Variants in CLEC19A observed in about 807,000 individuals in gnomAD.
CLEC19A encodes the protein C-type lectin domain containing 19A.
In CLEC19A, 21 loss-of-function variants were observed where a neutral mutation model predicts 26.1. The observed-to-expected ratio is 0.80, with a 90% CI of 0.57 to 1.16. The LOEUF (loss-of-function observed/expected upper bound fraction) is 1.16. CLEC19A is among the 50% of genes most tolerant of loss of function. The pLI, the probability that CLEC19A is intolerant of heterozygous loss-of-function variation, is 0.00. For missense variants in CLEC19A, 224 were observed against 227.6 expected (o/e 0.98, Z 0.10); for synonymous variants, 89 against 88.6 (o/e 1.00, Z -0.03).
chr16:19,287,326 G>A (rs766060896), intron 1 of CLEC19A, among the ~76,000 whole-genome samples: 5 of 152,050 alleles, frequency 3.3e-5, no homozygotes, highest in Non-Finnish European at 7.4e-5. Flanking sequence ...AGAAAGCTCT[G>A]GTCTCTTCCT....
At chr16:19,294,248 G>C (rs902587119) in intron 1 of CLEC19A, among the ~76,000 whole-genome samples, 2 of 152,162 alleles carry the variant, frequency 1.3e-5, no homozygotes, top group African/African-American at 4.8e-5. Context: ...CACTACCGCC[G>C]TGCAGAAAGG....
At chr16:19,298,558 C>A in intron 1 of CLEC19A, 115 bp from the exon 2 acceptor site, 2 of 1,113,082 alleles carry the variant, frequency 1.8e-6, no homozygotes, top group Non-Finnish European at 2.5e-6. Flanking sequence ...AGAACGAGAC[C>A]CTGTCTCTTA....
intron 2 of CLEC19A, among the ~76,000 whole-genome samples, chr16:19,301,107 G>C (rs978736252): frequency 1.3e-5 from 2 of 152,334 alleles, no homozygotes; most frequent in East Asian, 3.9e-4. Flanking sequence ...CTAGCCTGTA[G>C]AGGAAAATGA....
chr16:19,307,735 G>A, intron 4 of CLEC19A, 58 bp downstream of exon 4: 1 of 1,539,590 alleles, frequency 6.5e-7, no homozygotes, highest in East Asian at 2.5e-5. Context: ...TCACAGGTGG[G>A]GAGAGCGGAG....
chr16:19,301,736 GT>G lies in CLEC19A; in HGVS notation c.255-2298del, dbSNP rs1171248968. Among the ~76,000 whole-genome samples the G allele has an allele frequency of 2.6e-4, 21 of 81,484 alleles. No homozygotes were observed. The South Asian group carries it at 5.9e-3, about 23-fold the overall frequency. The allele number at this position is 81,484 out of a possible 152,430, so 53.5% of individuals were successfully genotyped here. ...ATGACACCATGCCCAGGTTTTTTTG[GT>G]TTTTTTTTTTTTTTTTTTTTTTTTT... On this transcript the variant is annotated intron_variant, in intron 2 of 4. Coordinates refer to ENST00000636231, the MANE Select transcript of CLEC19A (RefSeq NM_001256720.2).
chr16:19,306,079 G>A (rs1167025837), intron 3 of CLEC19A, among the ~76,000 whole-genome samples: 4 of 151,700 alleles, frequency 2.6e-5, no homozygotes, highest in African/African-American at 4.8e-5. Context: ...TCCTGACCTC[G>A]TGATCCGCCC....
intron 2 of CLEC19A, among the ~76,000 whole-genome samples, chr16:19,299,613 C>T (rs1429937957): frequency 6.6e-6 from 1 of 152,204 alleles, no homozygotes; most frequent in African/African-American, 2.4e-5. Context: ...AATTCCATCC[C>T]TATCTTCTCC....
chr16:19,299,889 G>A (rs964618779), intron 2 of CLEC19A, among the ~76,000 whole-genome samples: 5 of 152,286 alleles, frequency 3.3e-5, no homozygotes, highest in African/African-American at 1.2e-4. Context: ...TTAGAAAGGG[G>A]GTTGGTTTTT....
chr16:19,303,969 C>T (rs944392899), intron 2 of CLEC19A, 93 bp from the exon 3 acceptor site: 1 of 1,052,066 alleles, frequency 9.5e-7, no homozygotes, highest in African/African-American at 1.6e-5. Flanking sequence ...TACTTTGGTC[C>T]AGGAAGGTAA....
chr16:19,307,684 A>G lies in CLEC19A; in HGVS notation c.481+7A>G, dbSNP rs1304109315. 23 of 1,547,750 alleles carry G rather than the reference A, an allele frequency of 1.5e-5. No homozygotes were observed. The highest frequency in any genetic ancestry group is 2.0e-5 in the Non-Finnish European group (23 of 1,146,624). On this transcript the variant is annotated splice_region_variant and intron_variant, in intron 4 of 4. Transcript: ENST00000636231. ...TGGTACAGGCCTACCAGTGGTGGGT[A>G]CCCCTGAGACCAAGGCTCTTGCAGG...
chr16:19,292,085 C>A (rs1897602711), intron 1 of CLEC19A, among the ~76,000 whole-genome samples: 1 of 152,174 alleles, frequency 6.6e-6, no homozygotes. Flanking sequence ...CCTTCTCACT[C>A]CACTCAGCCC....
At chr16:19,303,347 A>G (rs1478702707) in intron 2 of CLEC19A, among the ~76,000 whole-genome samples, 1 of 152,126 alleles carries the variant, frequency 6.6e-6, no homozygotes, top group Non-Finnish European at 1.5e-5. Context: ...CTATCCATTC[A>G]TCCATCCATT....
intron 1 of CLEC19A, among the ~76,000 whole-genome samples, chr16:19,287,155 T>C (rs551611607): frequency 2.0e-5 from 3 of 151,926 alleles, no homozygotes; most frequent in Non-Finnish European, 4.4e-5. Flanking sequence ...GCTGCGAATA[T>C]CACAGACTGG....
chr16:19,298,903 T>C (rs1897760979), intron 2 of CLEC19A, 65 bp downstream of exon 2: 20 of 1,435,858 alleles, frequency 1.4e-5, no homozygotes, highest in Non-Finnish European at 1.8e-5. Context: ...GGGTGGAGAA[T>C]GGTATTTCCA....
At chr16:19,298,536 A>T (rs1238375656) in intron 1 of CLEC19A, 137 bp from the exon 2 acceptor site, 2 of 881,838 alleles carry the variant, frequency 2.3e-6, no homozygotes, top group African/African-American at 3.4e-5. Context: ...ACTGCACTTC[A>T]GCCTGGGCAA....
chr16:19,298,837 A>G lies in CLEC19A; in HGVS notation c.253A>G (p.Ser85Gly), dbSNP rs751291733. 1.5e-5 allele frequency: 24 copies of G among 1,549,856 alleles called. No individual in the cohort carries two copies. Among genetic ancestry groups the G allele is most frequent in the Non-Finnish European group, 2.1e-5 (24 of 1,146,638 alleles). ...RKSAKLASIH[S>G]WEENVFVYDL... ...GTCCGCCAAGCTGGCCTCCATCCAC[A>G]GGTAAGTGGGATCCCCAGTGCCCCA... is the stretch of plus-strand genomic sequence containing the variant. Residue 85 changes from serine to glycine, a missense_variant and splice_region_variant, in exon 2 of 5, where the codon AGC becomes GGC. Ser to Gly is a moderately conservative substitution (Grantham distance 56). Transcript: ENST00000636231.
At chr16:19,295,249 A>C (rs1237990961) in intron 1 of CLEC19A, among the ~76,000 whole-genome samples, 1 of 152,034 alleles carries the variant, frequency 6.6e-6, no homozygotes, top group Non-Finnish European at 1.5e-5. Flanking sequence ...TCTATCGTCC[A>C]GGCTGGATGG....
intron 1 of CLEC19A, among the ~76,000 whole-genome samples, chr16:19,293,716 A>G (rs191243541): frequency 6.2e-4 from 95 of 152,202 alleles, no homozygotes; most frequent in African/African-American, 2.0e-3. Flanking sequence ...TTGGCCTCCC[A>G]AAGTGTTGAG....
intron 2 of CLEC19A, among the ~76,000 whole-genome samples, chr16:19,301,935 C>T (rs1318466005): frequency 6.6e-6 from 1 of 151,610 alleles, no homozygotes; most frequent in East Asian, 1.9e-4. Context: ...AGTGATCATG[C>T]CTCTAAAGTT....
Sources: allele counts gnomAD v4.1 joint callset (sites outside exome capture counted in the v4.1 genomes callset), GRCh38; gene constraint gnomAD v4.1.1; transcripts MANE v1.5; gene names NCBI Gene and HGNC (gene_info 2026-07-23, HGNC 2026-07-21).